The following POLR2G variants were observed in gnomAD, a reference collection of about 807,000 sequenced individuals.
POLR2G encodes DNA-directed RNA polymerase II subunit RPB7.
Under a neutral mutation model 25.7 loss-of-function variants are expected in POLR2G, and 19 were observed. The ratio of observed to expected loss-of-function variants is 0.74; its 90% confidence interval spans 0.52 to 1.08. POLR2G has a LOEUF of 1.08. Ranked by LOEUF, POLR2G falls within the 50% of genes least tolerant of loss-of-function variation. POLR2G has a pLI of 0.00. For missense variants in POLR2G, 123 were observed against 218.5 expected (o/e 0.56, Z 2.76); for synonymous variants, 79 against 76.0 (o/e 1.04, Z -0.21).
Position 62,766,596 on chromosome 11 carries a change from T to C in POLR2G, c.*89T>C. 5.3e-6 allele frequency: 7 copies of C among 1,321,942 alleles called. No individual in the cohort carries two copies. The highest frequency in any genetic ancestry group is 7.6e-6 in the Non-Finnish European group (7 of 920,428). 81.9% of individuals were successfully genotyped at this position (1,321,942 alleles called of 1,614,324 possible). A position where few individuals can be genotyped will look rare whatever the true frequency, so the allele number is the denominator to read the frequency against. ...TCCAGAGGTCCAGTCTGGCTGCTGT[T>C]GTGGAGGCAAGGAAGGCAACTCATC... On this transcript the variant is annotated 3_prime_UTR_variant, in exon 8 of 8. Transcript: ENST00000301788.
rs1037854883 is a variant in POLR2G at position 62,764,817 on chromosome 11, A to G, written c.283-365A>G. On this transcript the variant is annotated intron_variant, in intron 3 of 7. Transcript: ENST00000301788. ...TCTCAAAATTTAAAAAGCAAAAAAC[A>G]AAAACACAACACTTGAGGGGACAAA... is the stretch of plus-strand genomic sequence containing the variant. 1.2e-4 allele frequency among the ~76,000 whole-genome samples: 18 copies of G among 152,204 alleles called. No individual in the cohort carries two copies. The East Asian group carries it at 2.7e-3, about 23-fold the overall frequency.
At chr11:62,766,124 G>A in intron 6 of POLR2G, 119 bp from the exon 7 acceptor site, 1 of 882,688 alleles carries the variant, frequency 1.1e-6, no homozygotes, top group Non-Finnish European at 1.9e-6. Context: ...AGTTTCAGGG[G>A]GTTCTGTGCT....
At chr11:62,762,581 T>C (rs1054941526) in intron 2 of POLR2G, 1 of 517,470 alleles carries the variant, frequency 1.9e-6, no homozygotes, top group Admixed American at 2.2e-5. Flanking sequence ...ATCTGCATTT[T>C]AAGAAGATGA....
At position 62,765,979 on chromosome 11, in the gene POLR2G, G is replaced by C. The variant is rs2084113967; in HGVS notation, c.471+255G>C. Among the ~76,000 whole-genome samples, 3 of 152,000 alleles carry C rather than the reference G, an allele frequency of 2.0e-5. No individual in the cohort carries two copies. In the South Asian group the frequency reaches 6.2e-4, roughly 32 times the overall value. ...ATTTTTTATATTTTTAGTACAGACA[G>C]GGTTTCACCATGTTAGCCAGGATGG... On this transcript the variant is annotated intron_variant, in intron 6 of 7. Transcript: ENST00000301788.
At chr11:62,761,768 T>G (rs1327421389) in intron 1 of POLR2G, 27 bp from the exon 2 acceptor site, 22 of 1,609,982 alleles carry the variant, frequency 1.4e-5, no homozygotes, top group Non-Finnish European at 1.8e-5. Context: ...GCGCCTGGCC[T>G]GGTCGCCATC....
rs901547366 is a variant in POLR2G, at chr11:62,762,977, G to A, written c.233G>A (p.Arg78Gln). ...YPVKYKAIVF[R>Q]PFKGEVVDAV... The stretch of plus-strand genomic sequence containing the variant: ...GTTAAGTACAAGGCCATTGTTTTCC[G>A]GCCATTTAAAGGGGAGGTCGTGGAT... The change falls in exon 3 of 8, where the codon CGG becomes CAG. Residue 78 changes from arginine to glutamine, a missense_variant. Arg to Gln is a conservative substitution (Grantham distance 43, BLOSUM62 1). Coordinates refer to ENST00000301788, the MANE Select transcript of POLR2G (RefSeq NM_002696.3). 4 of 1,610,714 alleles carry A rather than the reference G, an allele frequency of 2.5e-6. No individual in the cohort carries two copies. Among genetic ancestry groups the A allele is most frequent in the African/African-American group, 1.3e-5 (1 of 74,772 alleles).
At chr11:62,765,442 G>C (rs917451956) in intron 5 of POLR2G, 37 bp downstream of exon 5, 1 of 1,538,790 alleles carries the variant, frequency 6.5e-7, no homozygotes, top group Admixed American at 1.7e-5. Context: ...GACAAGGAGA[G>C]AATCAGCCAT....
In POLR2G at chr11:62,762,878, T is replaced by C; in HGVS notation, c.134T>C (p.Val45Ala). ...EGTCTGKYGF[V>A]IAVTTIDNIG... ...CATCCTCCTTGCAGGTATGGCTTTG[T>C]AATTGCTGTCACCACCATTGACAAT... Residue 45 changes from valine to alanine, a missense_variant, in exon 3 of 8, where the codon GTA (valine) becomes GCA (alanine). Physicochemically the swap from Val to Ala is moderately conservative, Grantham distance 64 (BLOSUM62 0). Coordinates refer to ENST00000301788, the MANE Select transcript of POLR2G (RefSeq NM_002696.3). The C allele has an allele frequency of 6.3e-7, 1 of 1,594,170 alleles. No homozygotes were observed. The highest frequency in any genetic ancestry group is 8.6e-7 in the Non-Finnish European group (1 of 1,165,488).
intron 3 of POLR2G, among the ~76,000 whole-genome samples, chr11:62,764,626 T>C (rs1176985474): frequency 6.6e-6 from 1 of 152,020 alleles, no homozygotes; most frequent in Non-Finnish European, 1.5e-5. Flanking sequence ...AGACTCTGTC[T>C]CTACAAAAAG....
chr11:62,766,094 G>A (rs1353473002), intron 6 of POLR2G, 149 bp from the exon 7 acceptor site: 1 of 768,766 alleles, frequency 1.3e-6, no homozygotes, highest in South Asian at 1.5e-5. Flanking sequence ...GCCGAGAGCT[G>A]TCGATTTCTT....
intron 3 of POLR2G, among the ~76,000 whole-genome samples, chr11:62,764,555 G>C (rs754641276): frequency 6.6e-6 from 1 of 152,118 alleles, no homozygotes; most frequent in African/African-American, 2.4e-5. Context: ...AGTGCTTTGG[G>C]GGGCAGAAGT....
rs888242963 is a variant in POLR2G, at chr11:62,762,980, C to T, written c.236C>T (p.Pro79Leu). Residue 79 changes from proline (P) to leucine (L), a missense_variant, in exon 3 of 8, where the codon CCA becomes CTA. Physicochemically the swap from Pro to Leu is moderately conservative, Grantham distance 98. Transcript: ENST00000301788. ...PVKYKAIVFR[P>L]FKGEVVDAVV... Reference sequence around the variant, plus strand: ...AAGTACAAGGCCATTGTTTTCCGGCCATTTAAAGGGGAGGTCGTGGATGCT... The same window carrying T: ...AAGTACAAGGCCATTGTTTTCCGGCTATTTAAAGGGGAGGTCGTGGATGCT... The T allele has an allele frequency of 3.7e-6, 6 of 1,610,814 alleles. No homozygotes were observed. Among genetic ancestry groups the T allele is most frequent in the Non-Finnish European group, 4.2e-6 (5 of 1,177,538 alleles).
rs572064792 is a variant in POLR2G, at chr11:62,762,738, C to T, written c.123-129C>T. On this transcript the variant is annotated intron_variant, in intron 2 of 7. Coordinates refer to ENST00000301788, the MANE Select transcript of POLR2G (RefSeq NM_002696.3). ...TTTTGGTCATTAAGCTCTCTGGGAG[C>T]AGAGGTGCTATCTACTTGTCCTTTT... 7.3e-6 allele frequency: 5 copies of T among 685,700 alleles called. No individual in the cohort carries two copies. The South Asian group carries it at 8.3e-5, about 11-fold the overall frequency. The allele number at this position is 685,700 out of a possible 1,614,324, so 42.5% of individuals were successfully genotyped here. A position where few individuals can be genotyped will look rare whatever the true frequency, so the allele number is the denominator to read the frequency against.
In POLR2G at chr11:62,765,340, T is replaced by G; in HGVS notation, c.334T>G (p.Ser112Ala). 1 of 1,613,034 alleles carries G rather than the reference T, an allele frequency of 6.2e-7. No individual in the cohort carries two copies. The stretch of plus-strand genomic sequence containing the variant: ...AACCTAGATCTCACTTTCCTTTCAG[T>G]CCATCCCTTCAGAGATGGAGTTTGA... Reference protein sequence around the residue: ...GPMSCFISRHSIPSEMEFDPN... With the variant: ...GPMSCFISRHAIPSEMEFDPN... The change falls in exon 5 of 8, where the codon TCC becomes GCC. Residue 112 changes from serine to alanine, a missense_variant and splice_region_variant. Coordinates refer to ENST00000301788, the MANE Select transcript of POLR2G (RefSeq NM_002696.3).
At chr11:62,763,562 G>A (rs1184513346) in intron 3 of POLR2G, among the ~76,000 whole-genome samples, 1 of 152,064 alleles carries the variant, frequency 6.6e-6, no homozygotes, top group African/African-American at 2.4e-5. Context: ...CCAAAGTGCT[G>A]GGATTGCAGG....
intron 3 of POLR2G, 61 bp from the exon 4 acceptor site, chr11:62,765,121 T>C: frequency 6.8e-7 from 1 of 1,464,886 alleles, no homozygotes; most frequent in Middle Eastern, 2.4e-4. Flanking sequence ...CCTCCCAAAG[T>C]GCTGGGATTA....
rs1161976276 is a variant in POLR2G at position 62,765,679 on chromosome 11, G to C, written c.426G>C (p.Glu142Asp). 6.2e-7 allele frequency: 1 copy of C among 1,611,874 alleles called. No individual in the cohort carries two copies. The change falls in exon 6 of 8, where the codon GAG becomes GAC. Residue 142 changes from glutamate (E) to aspartate (D), a missense_variant. Physicochemically the swap from Glu to Asp is conservative, Grantham distance 45 (BLOSUM62 2). Transcript: ENST00000301788. Reference protein sequence around the residue: ...DEDIVIQQDDEIRLKIVGTRV... With the variant: ...DEDIVIQQDDDIRLKIVGTRV... The stretch of plus-strand genomic sequence containing the variant: ...ATATTGTGATTCAGCAGGACGATGA[G>C]ATCCGCTTAAAGATTGTGGGGACCC...
At chr11:62,763,152 TGA>T (rs1238525627) in intron 3 of POLR2G, 126 bp downstream of exon 3, 25 of 550,112 alleles carry the variant, frequency 4.5e-5, no homozygotes, top group Middle Eastern at 5.1e-4. Flanking sequence ...TTTTTTTTTT[TGA>T]GAGAGTTTTG....
chr11:62,766,684 C>A lies in POLR2G; in HGVS notation c.*177C>A. The A allele has an allele frequency of 1.7e-6, 1 of 600,410 alleles. No homozygotes were observed. The allele number at this position is 600,410 out of a possible 1,614,324, so 37.2% of individuals were successfully genotyped here. A position where few individuals can be genotyped will look rare whatever the true frequency, so the allele number is the denominator to read the frequency against. On this transcript the variant is annotated 3_prime_UTR_variant, in exon 8 of 8. Transcript: ENST00000301788. Reference sequence around the variant, plus strand: ...GCCTCCTCATTTTTCAGTATGTGTTCTAAGTATAAAAAGTCCTTGGTTCTC... The same window carrying A: ...GCCTCCTCATTTTTCAGTATGTGTTATAAGTATAAAAAGTCCTTGGTTCTC...
Sources: gnomAD v4.1 joint callset for allele counts (sites outside exome capture counted in the v4.1 genomes callset) on GRCh38, gnomAD v4.1.1 for gene constraint, MANE v1.5 for transcripts, NCBI Gene and HGNC (gene_info 2026-07-23, HGNC 2026-07-21) for gene names.